The following COL15A1 variants were observed in gnomAD, a reference collection of about 807,000 sequenced individuals.
The protein encoded by COL15A1 is collagen type XV alpha 1 chain.
COL15A1 carries 111 observed loss-of-function variants against 165.9 expected under a neutral mutation model. That is an observed-to-expected ratio of 0.67 (90% CI 0.57 to 0.78). COL15A1 has a LOEUF of 0.78. COL15A1 is among the 30% of genes least tolerant of loss of function. COL15A1 has a pLI of 0.00. For missense variants in COL15A1, 1,745 were observed against 1,789.7 expected (o/e 0.98, Z 0.45); for synonymous variants, 659 against 674.8 (o/e 0.98, Z 0.36).
chr9:99,001,441 C>T (rs1268162222), intron 7 of COL15A1, among the ~76,000 whole-genome samples: 2 of 152,288 alleles, frequency 1.3e-5, no homozygotes, highest in Middle Eastern at 3.4e-3. Flanking sequence ...AAACCCACAA[C>T]GCCAGCTCAT....
chr9:98,952,829 T>G lies in COL15A1; in HGVS notation c.100+8579T>G, dbSNP rs1237188135. ...ATATCTTATCATATAATATTTTTTC[T>G]TTTAATGATATACTTTTATTTCTGG... On this transcript the variant is annotated intron_variant, in intron 2 of 41. Coordinates refer to ENST00000375001, the MANE Select transcript of COL15A1 (RefSeq NM_001855.5). 5.3e-5 allele frequency among the ~76,000 whole-genome samples: 8 copies of G among 152,270 alleles called. No homozygotes were observed. The East Asian group carries it at 1.3e-3, about 26-fold the overall frequency.
At chr9:99,002,904 A>G (rs748599471) in intron 7 of COL15A1, among the ~76,000 whole-genome samples, 1 of 152,262 alleles carries the variant, frequency 6.6e-6, no homozygotes, top group Non-Finnish European at 1.5e-5. Context: ...AAGATAGAAC[A>G]TAGTTTGCTG....
At chr9:98,997,509 T>C (rs1183826268) in intron 6 of COL15A1, among the ~76,000 whole-genome samples, 5 of 152,224 alleles carry the variant, frequency 3.3e-5, no homozygotes, top group Admixed American at 3.3e-4. Flanking sequence ...CACTATTTTA[T>C]AGGTGGAAAA....
In COL15A1 at chr9:99,025,009, T is replaced by G. The variant is rs916623923; in HGVS notation, c.1980+10T>G. ...TGAACCTGGGCCCCCGGTGAGCAAC[T>G]GAAGTCTTCTCCCCATCTCTGTGGC... On this transcript the variant is annotated intron_variant, in intron 15 of 41. Coordinates refer to ENST00000375001, the MANE Select transcript of COL15A1 (RefSeq NM_001855.5). 2 of 1,611,904 alleles carry G rather than the reference T, an allele frequency of 1.2e-6. No homozygotes were observed. Among genetic ancestry groups the G allele is most frequent in the Admixed American group, 3.3e-5 (2 of 59,734 alleles).
chr9:98,989,406 T>C (rs903196798), intron 5 of COL15A1, 148 bp downstream of exon 5: 1 of 655,156 alleles, frequency 1.5e-6, no homozygotes, highest in African/African-American at 1.8e-5. Context: ...GTCAGGAAAA[T>C]AATGGCCAAT....
intron 16 of COL15A1, among the ~76,000 whole-genome samples, chr9:99,032,928 T>A (rs1182568461): frequency 6.6e-6 from 1 of 152,264 alleles, no homozygotes; most frequent in East Asian, 1.9e-4. Context: ...CTTTGTGTCA[T>A]GGCTATGTTA....
Position 99,034,581 on chromosome 9 carries a change from A to G in COL15A1, c.2076A>G (p.Glu692=). 1 of 1,396,126 alleles carries G rather than the reference A, an allele frequency of 7.2e-7. No homozygotes were observed. The highest frequency in any genetic ancestry group is 9.4e-7 in the Non-Finnish European group (1 of 1,068,630). 86.5% of individuals were successfully genotyped at this position (1,396,126 alleles called of 1,614,324 possible). Residue 692 remains glutamate (E), a synonymous_variant, in exon 17 of 42, where the codon GAA becomes GAG. Coordinates refer to ENST00000375001, the MANE Select transcript of COL15A1 (RefSeq NM_001855.5). The part of the protein sequence containing the change: ...GARGPNGSVG[E]KGDPGNRGLP... Reference sequence around the variant, plus strand: ...GAGGGCCTAATGGCTCAGTTGGTGAAAAGGTAAAAAAAAAAAAAAAAAAAA... The same window carrying G: ...GAGGGCCTAATGGCTCAGTTGGTGAGAAGGTAAAAAAAAAAAAAAAAAAAA...
chr9:99,070,084 C>T lies in COL15A1; in HGVS notation c.*198C>T. The stretch of plus-strand genomic sequence containing the variant: ...AGAGGACTCAGATCAAAGACAAAAT[C>T]TGATCCATATATTGGTGCTAGATTC... On this transcript the variant is annotated 3_prime_UTR_variant, in exon 42 of 42. Coordinates refer to ENST00000375001, the MANE Select transcript of COL15A1 (RefSeq NM_001855.5). The T allele has an allele frequency of 1.8e-6, 1 of 547,124 alleles. No individual in the cohort carries two copies. Among genetic ancestry groups the T allele is most frequent in the Non-Finnish European group, 3.2e-6 (1 of 312,412 alleles). 33.9% of individuals were successfully genotyped at this position (547,124 alleles called of 1,614,324 possible).
At chr9:99,069,649 TA>T (rs1347830094) in intron 41 of COL15A1, 23 bp from the exon 42 acceptor site, 17 of 1,585,450 alleles carry the variant, frequency 1.1e-5, no homozygotes, top group Non-Finnish European at 1.4e-5. Flanking sequence ...TTTTGAAAAA[TA>T]ACATGACAAA....
chr9:98,985,490 G>T, intron 2 of COL15A1, 75 bp from the exon 3 acceptor site: 1 of 1,387,552 alleles, frequency 7.2e-7, no homozygotes, highest in South Asian at 1.4e-5. Context: ...TTTCATTTGT[G>T]ACTGCGTTTC....
At chr9:99,044,668 A>G (rs759156465) in intron 25 of COL15A1, 32 bp downstream of exon 25, 9 of 1,612,530 alleles carry the variant, frequency 5.6e-6, no homozygotes, top group Admixed American at 5.0e-5. Flanking sequence ...GCAGGCACAT[A>G]TCTGCCCCAG....
chr9:99,015,861 C>T lies in COL15A1; in HGVS notation c.1504-115C>T, dbSNP rs1211982126. On this transcript the variant is annotated intron_variant, in intron 10 of 41. Transcript: ENST00000375001. ...GGGGTGTGCTGGGGGTAACGATGAT[C>T]GTAGGTAAGAACGTGCTTTGAAACT... 6 of 1,267,022 alleles carry T rather than the reference C, an allele frequency of 4.7e-6. No individual in the cohort carries two copies. In the Admixed American group the frequency reaches 6.0e-5, roughly 13 times the overall value. 78.5% of individuals were successfully genotyped at this position (1,267,022 alleles called of 1,614,324 possible).
chr9:98,996,047 A>G (rs2118922468), intron 5 of COL15A1, among the ~76,000 whole-genome samples: 1 of 152,352 alleles, frequency 6.6e-6, no homozygotes, highest in East Asian at 1.9e-4. Context: ...TCCTTGTTCC[A>G]TGGACCAGAA....
At chr9:99,059,784 G>A (rs1057189182) in intron 35 of COL15A1, 105 bp from the exon 36 acceptor site, 60 of 1,251,084 alleles carry the variant, frequency 4.8e-5, no homozygotes, top group East Asian at 2.2e-4. Context: ...GCTTTGTGGC[G>A]CTGTGAATGG....
At chr9:98,952,487 A>G (rs1187514146) in intron 2 of COL15A1, among the ~76,000 whole-genome samples, 1 of 152,178 alleles carries the variant, frequency 6.6e-6, no homozygotes, top group Non-Finnish European at 1.5e-5. Flanking sequence ...CTAGCTAAAT[A>G]TGTAAGTTGA....
At chr9:99,060,527 C>T (rs983392239) in intron 36 of COL15A1, among the ~76,000 whole-genome samples, 1 of 151,600 alleles carries the variant, frequency 6.6e-6, no homozygotes, top group Non-Finnish European at 1.5e-5. Flanking sequence ...CCACCTTGGC[C>T]TCCCAAAGTG....
intron 2 of COL15A1, among the ~76,000 whole-genome samples, chr9:98,946,045 C>T (rs1588485444): frequency 6.6e-6 from 1 of 152,284 alleles, no homozygotes; most frequent in South Asian, 2.1e-4. Context: ...TTTCAGTGCC[C>T]CTTTGGGGAT....
rs1159560642 is a variant in COL15A1 at position 99,034,590 on chromosome 9, A to T, written c.2079+6A>T. On this transcript the variant is annotated splice_donor_region_variant and intron_variant, in intron 17 of 41. Transcript: ENST00000375001. The stretch of plus-strand genomic sequence containing the variant: ...ATGGCTCAGTTGGTGAAAAGGTAAA[A>T]AAAAAAAAAAAAAAAAAAAAAAAAG... The T allele has an allele frequency of 3.0e-5, 24 of 790,838 alleles. No individual in the cohort carries two copies. The African/African-American group carries it at 6.7e-4, about 22-fold the overall frequency. The allele number at this position is 790,838 out of a possible 1,614,324, so 49.0% of individuals were successfully genotyped here.
At chr9:99,034,352 C>A (rs1839259069) in intron 16 of COL15A1, among the ~76,000 whole-genome samples, 197 bp from the exon 17 acceptor site, 2 of 152,106 alleles carry the variant, frequency 1.3e-5, no homozygotes, top group Admixed American at 6.5e-5. Context: ...AAGTGGGTTT[C>A]ACAAGCTTTC....
Sources: gnomAD v4.1 joint callset for allele counts (sites outside exome capture counted in the v4.1 genomes callset) on GRCh38, gnomAD v4.1.1 for gene constraint, MANE v1.5 for transcripts, NCBI Gene and HGNC (gene_info 2026-07-23, HGNC 2026-07-21) for gene names.